The following FBXO33 variants were observed in gnomAD, a reference collection of about 807,000 sequenced individuals.
The protein encoded by FBXO33 is F-box protein 33.
In FBXO33, 22 loss-of-function variants were observed where a neutral mutation model predicts 46.3. The observed-to-expected ratio is 0.48, with a 90% CI of 0.34 to 0.68. FBXO33 has a LOEUF of 0.68. FBXO33 is among the 30% of genes least tolerant of loss of function. FBXO33 has a pLI of 0.01. For missense variants in FBXO33, 692 were observed against 708.8 expected (o/e 0.98, Z 0.27); for synonymous variants, 337 against 291.3 (o/e 1.16, Z -1.60).
intron 1 of FBXO33, among the ~76,000 whole-genome samples, chr14:39,412,438 G>A (rs550146938): frequency 6.6e-6 from 1 of 152,176 alleles, no homozygotes; most frequent in South Asian, 2.1e-4. Flanking sequence ...CCCTGTATTT[G>A]TCCTTAAAGC....
At chr14:39,405,697 G>T (rs2075393333) in intron 1 of FBXO33, among the ~76,000 whole-genome samples, 1 of 151,752 alleles carries the variant, frequency 6.6e-6, no homozygotes, top group African/African-American at 2.4e-5. Context: ...CCAACATTGT[G>T]AGAAAAATGT....
chr14:39,420,264 A>T (rs1193731966), intron 1 of FBXO33, among the ~76,000 whole-genome samples: 1 of 152,262 alleles, frequency 6.6e-6, no homozygotes, highest in African/African-American at 2.4e-5. Context: ...GATGATACCA[A>T]GGAATTACTG....
intron 1 of FBXO33, among the ~76,000 whole-genome samples, chr14:39,423,325 G>A (rs1361242912): frequency 6.6e-6 from 1 of 152,118 alleles, no homozygotes; most frequent in Non-Finnish European, 1.5e-5. Flanking sequence ...TTACCAATGA[G>A]AGTATCAAAT....
intron 1 of FBXO33, 40 bp downstream of exon 1, chr14:39,431,524 C>G (rs753199053): frequency 1.9e-6 from 3 of 1,604,762 alleles, no homozygotes; most frequent in East Asian, 2.2e-5. Flanking sequence ...ACGGAGCGAC[C>G]CCCCGTTACC....
chr14:39,423,033 A>T (rs963041660), intron 1 of FBXO33, among the ~76,000 whole-genome samples: 6 of 152,130 alleles, frequency 3.9e-5, no homozygotes, highest in African/African-American at 1.4e-4. Flanking sequence ...GAGGCAGGAG[A>T]ACTGCTTGAA....
At position 39,432,220 on chromosome 14, in the gene FBXO33, C is replaced by A. The variant is rs2075565802; in HGVS notation, c.-58G>T. On this transcript the variant is annotated 5_prime_UTR_variant, in exon 1 of 4. Coordinates refer to ENST00000298097, the MANE Select transcript of FBXO33 (RefSeq NM_203301.4). ...TGGGTCTCGGCGGAACCAAGTAGAA[C>A]ACAAGTTGTGGAGAGGGGGAAAGGC... The A allele has an allele frequency of 5.1e-6, 6 of 1,177,266 alleles. No homozygotes were observed. The South Asian group carries it at 2.6e-4, about 51-fold the overall frequency. 72.9% of individuals were successfully genotyped at this position (1,177,266 alleles called of 1,614,324 possible).
rs5808028 is a variant in FBXO33, at chr14:39,408,674, A to ATT, written c.600-6165_600-6164dup. On this transcript the variant is annotated intron_variant, in intron 1 of 3. Transcript: ENST00000298097. ...ATTACAAGTGTGCACCACCATGCCTATTTTTTTTTTTTTTCAGTAGATACA... is the reference window on the plus strand; with the variant it reads ...ATTACAAGTGTGCACCACCATGCCTATTTTTTTTTTTTTTTTCAGTAGATACA... Among the ~76,000 whole-genome samples the ATT allele has an allele frequency of 6.6e-3, 927 of 140,116 alleles. 2 individuals carry two copies. The highest frequency in any genetic ancestry group is 0.01 in the African/African-American group (368 of 36,466). 91.9% of individuals were successfully genotyped at this position (140,116 alleles called of 152,430 possible).
At chr14:39,408,028 C>G (rs2148507) in intron 1 of FBXO33, among the ~76,000 whole-genome samples, 43,466 of 151,982 alleles carry the variant, frequency 0.29, 7,643 homozygotes, top group Non-Finnish European at 0.4. Flanking sequence ...GCAGCCTCAA[C>G]TTCCCAGGCT....
At chr14:39,419,275 G>A (rs2075467449) in intron 1 of FBXO33, among the ~76,000 whole-genome samples, 1 of 152,124 alleles carries the variant, frequency 6.6e-6, no homozygotes, top group South Asian at 2.1e-4. Flanking sequence ...TGCAAAAAAC[G>A]CTTTTAGGTA....
rs1253961371 is a variant in FBXO33 at position 39,401,692 on chromosome 14, T to C, written c.880A>G (p.Ser294Gly). 1 of 1,614,226 alleles carries C rather than the reference T, an allele frequency of 6.2e-7. No homozygotes were observed. ...SLLDNNIPGNSTLITAVELER... is the reference protein window; with the variant it reads ...SLLDNNIPGNGTLITAVELER... ...AGTTCAACTGCAGTAATAAGAGTGC[T>C]GTTACCAGGAATATTATTGTCCAGT... Residue 294 changes from serine to glycine, a missense_variant, in exon 3 of 4, where the codon AGC becomes GGC. Ser to Gly is a moderately conservative substitution (Grantham distance 56). This residue lies in a region of FBXO33 where 186 missense variants were observed against 246.1 expected (regional missense o/e 0.76). Transcript: ENST00000298097.
At chr14:39,402,569 A>G in intron 1 of FBXO33, 58 bp from the exon 2 acceptor site, 1 of 833,368 alleles carries the variant, frequency 1.2e-6, no homozygotes, top group South Asian at 3.7e-5. Context: ...AAAAATATAA[A>G]TATAAAAAAT....
intron 1 of FBXO33, among the ~76,000 whole-genome samples, chr14:39,426,636 A>G (rs1262030528): frequency 1.3e-5 from 2 of 152,142 alleles, no homozygotes; most frequent in African/African-American, 4.8e-5. Flanking sequence ...CACTTGCCAC[A>G]GCCCTGTCAC....
At chr14:39,424,668 G>C (rs2075502138) in intron 1 of FBXO33, among the ~76,000 whole-genome samples, 2 of 152,258 alleles carry the variant, frequency 1.3e-5, no homozygotes, top group South Asian at 4.2e-4. Flanking sequence ...AGAACCAGTG[G>C]AAAACCGCAA....
intron 3 of FBXO33, 70 bp downstream of exon 3, chr14:39,401,106 A>C (rs566545826): frequency 5.1e-6 from 7 of 1,374,100 alleles, no homozygotes; most frequent in East Asian, 4.6e-5. Flanking sequence ...GGTCAGTGCT[A>C]TCTCTTTACT....
At chr14:39,408,674 ATTT>A (rs5808028) in intron 1 of FBXO33, among the ~76,000 whole-genome samples, 1 of 140,106 alleles carries the variant, frequency 7.1e-6, no homozygotes, top group Non-Finnish European at 1.5e-5. Flanking sequence ...CACCATGCCT[ATTT>A]TTTTTTTTTT....
At chr14:39,427,987 C>A (rs1231089771) in intron 1 of FBXO33, among the ~76,000 whole-genome samples, 4 of 152,126 alleles carry the variant, frequency 2.6e-5, no homozygotes, top group African/African-American at 9.6e-5. Context: ...TGGTAGGAAA[C>A]AATACAAAGG....
chr14:39,431,037 T>G (rs2075543881), intron 1 of FBXO33, among the ~76,000 whole-genome samples: 1 of 152,100 alleles, frequency 6.6e-6, no homozygotes, highest in Non-Finnish European at 1.5e-5. Flanking sequence ...ACACTCCTCC[T>G]CCTCTTCGGG....
At chr14:39,405,694 T>G (rs947683606) in intron 1 of FBXO33, among the ~76,000 whole-genome samples, 1 of 151,772 alleles carries the variant, frequency 6.6e-6, no homozygotes, top group African/African-American at 2.4e-5. Context: ...AAACCAACAT[T>G]GTGAGAAAAA....
At chr14:39,423,924 A>G (rs1412511712) in intron 1 of FBXO33, among the ~76,000 whole-genome samples, 1 of 152,188 alleles carries the variant, frequency 6.6e-6, no homozygotes, top group Non-Finnish European at 1.5e-5. Context: ...CCAGGTAGTG[A>G]GCATAGTATC....
Sources: allele counts gnomAD v4.1 joint callset (sites outside exome capture counted in the v4.1 genomes callset), GRCh38; gene constraint gnomAD v4.1.1; regional missense constraint gnomAD v4.1.1; transcripts MANE v1.5; gene names NCBI Gene and HGNC (gene_info 2026-07-23, HGNC 2026-07-21).